SND1: variants seen among roughly 807,000 people sequenced by gnomAD.
SND1 encodes the protein staphylococcal nuclease and tudor domain containing 1.
Under a neutral mutation model 121.7 loss-of-function variants are expected in SND1, and 38 were observed. The ratio of observed to expected loss-of-function variants is 0.31; its 90% CI spans 0.24 to 0.41. SND1 has a LOEUF of 0.41. Ranked by LOEUF, SND1 falls within the 10% of genes least tolerant of loss-of-function variation. The pLI is 1.00. For synonymous variants in SND1, 401 were observed against 447.4 expected, an observed-to-expected ratio of 0.90 and a Z score of 1.31; for missense variants, 868 against 1,184.6, an observed-to-expected ratio of 0.73 and a Z score of 3.92.
Position 128,092,179 on chromosome 7 carries a change from T to G in SND1, c.*121T>G, listed in dbSNP as rs2117075109. On this transcript the variant is annotated 3_prime_UTR_variant, in exon 24 of 24. Transcript: ENST00000354725. This position sits in a 1 kb window ranked among gnomAD's most constrained non-coding sequence, Gnocchi z 4.9. The stretch of plus-strand genomic sequence containing the variant: ...TAGATTGGGTCCAGCTTTGCTTCAG[T>G]GTGTGGAAATGTCTCGTGGGGTGGC... 9.4e-7 allele frequency: 1 copy of G among 1,062,030 alleles called. No individual in the cohort carries two copies. The highest frequency in any genetic ancestry group is 2.4e-5 in the East Asian group (1 of 41,166). 65.8% of individuals were successfully genotyped at this position (1,062,030 alleles called of 1,614,324 possible).
chr7:128,092,363 C>G lies in SND1; in HGVS notation c.*305C>G. On this transcript the variant is annotated 3_prime_UTR_variant, in exon 24 of 24. Coordinates refer to ENST00000354725, the MANE Select transcript of SND1 (RefSeq NM_014390.4). This position sits in a 1 kb window ranked among gnomAD's most constrained non-coding sequence, Gnocchi z 4.9. ...AAGTCCTCAAATCAGGAAGAAACATCAAAGACTATGTCCTAGTGGAGGGAG... is the reference window on the plus strand; with the variant it reads ...AAGTCCTCAAATCAGGAAGAAACATGAAAGACTATGTCCTAGTGGAGGGAG... 2.4e-6 allele frequency: 1 copy of G among 408,724 alleles called. No individual in the cohort carries two copies. Among genetic ancestry groups the G allele is most frequent in the Non-Finnish European group, 4.4e-6 (1 of 226,832 alleles). 25.3% of individuals were successfully genotyped at this position (408,724 alleles called of 1,614,324 possible).
At chr7:127,714,065 C>A (rs960187578) in intron 9 of SND1, among the ~76,000 whole-genome samples, 2 of 151,314 alleles carry the variant, frequency 1.3e-5, no homozygotes, top group African/African-American at 4.9e-5. Flanking sequence ...TTTCACAGAC[C>A]TGAATAACAT....
chr7:127,911,350 T>G (rs11768841), intron 14 of SND1, among the ~76,000 whole-genome samples: 1 of 151,960 alleles, frequency 6.6e-6, no homozygotes, highest in African/African-American at 2.4e-5. Flanking sequence ...TTTCTTTTCT[T>G]TTCTCTTATA....
At chr7:128,076,401 T>C (rs768186855) in intron 17 of SND1, among the ~76,000 whole-genome samples, 1 of 152,164 alleles carries the variant, frequency 6.6e-6, no homozygotes, top group African/African-American at 2.4e-5. Context: ...TGCACAACTC[T>C]CAGTGCTAGG....
chr7:127,703,683 G>A (rs1285529039), intron 7 of SND1, among the ~76,000 whole-genome samples: 1 of 152,186 alleles, frequency 6.6e-6, no homozygotes, highest in Non-Finnish European at 1.5e-5. Context: ...CTGCACTCCA[G>A]TCTGGGCAAC....
At chr7:127,995,860 AG>A (rs1281372412) in intron 16 of SND1, among the ~76,000 whole-genome samples, 1 of 152,224 alleles carries the variant, frequency 6.6e-6, no homozygotes, top group Non-Finnish European at 1.5e-5. Context: ...ACAGTTTCTG[AG>A]GACAGGGGCA....
intron 2 of SND1, 71 bp downstream of exon 2, chr7:127,686,833 C>A: frequency 6.7e-7 from 1 of 1,489,898 alleles, no homozygotes; most frequent in Non-Finnish European, 9.2e-7. Flanking sequence ...GTCGCTGATG[C>A]CATTTTGATG....
chr7:127,730,093 C>T (rs568943195), intron 10 of SND1, among the ~76,000 whole-genome samples: 1 of 152,144 alleles, frequency 6.6e-6, no homozygotes, highest in Non-Finnish European at 1.5e-5. Flanking sequence ...CTCAGCCTCC[C>T]GAGTAGCTGG....
intron 16 of SND1, among the ~76,000 whole-genome samples, chr7:128,065,429 G>A (rs1256204545): frequency 6.6e-6 from 1 of 152,226 alleles, no homozygotes; most frequent in Non-Finnish European, 1.5e-5. Flanking sequence ...GCAGGGGTCT[G>A]TACCATCCCA....
intron 10 of SND1, among the ~76,000 whole-genome samples, chr7:127,779,186 G>A (rs968906458): frequency 6.6e-6 from 1 of 152,134 alleles, no homozygotes; most frequent in African/African-American, 2.4e-5. Context: ...GACGTGAATG[G>A]TAGTGACATA....
intron 16 of SND1, among the ~76,000 whole-genome samples, chr7:128,063,350 G>A (rs191396421): frequency 4.6e-5 from 7 of 152,316 alleles, no homozygotes; most frequent in Middle Eastern, 3.4e-3. Context: ...TGTTCATGGC[G>A]TCTGGGCTGT....
chr7:127,858,894 G>A (rs756898468), intron 12 of SND1, among the ~76,000 whole-genome samples: 4 of 152,300 alleles, frequency 2.6e-5, no homozygotes, highest in Admixed American at 6.5e-5. Flanking sequence ...AATGATGGTC[G>A]TCTAGAATCT....
At chr7:127,686,809 G>A in intron 2 of SND1, 47 bp downstream of exon 2, 1 of 1,581,170 alleles carries the variant, frequency 6.3e-7, no homozygotes, top group South Asian at 1.1e-5. Flanking sequence ...CTAGGTAATA[G>A]CCCACTGTCT....
chr7:127,750,981 G>A (rs1020882942), intron 10 of SND1, among the ~76,000 whole-genome samples: 1 of 152,150 alleles, frequency 6.6e-6, no homozygotes, highest in African/African-American at 2.4e-5. Flanking sequence ...TGCATGTAAT[G>A]ATAACCTGTA....
At chr7:127,753,060 G>A (rs1797130334) in intron 10 of SND1, among the ~76,000 whole-genome samples, 1 of 152,132 alleles carries the variant, frequency 6.6e-6, no homozygotes, top group Admixed American at 6.5e-5. Context: ...GATAAACATG[G>A]TATTGGCCCA....
intron 22 of SND1, among the ~76,000 whole-genome samples, chr7:128,091,004 C>T (rs998898424): frequency 6.6e-6 from 1 of 152,200 alleles, no homozygotes; most frequent in Non-Finnish European, 1.5e-5. Flanking sequence ...TTTATTTATT[C>T]ATTCTATCAG....
chr7:128,017,015 C>T (rs1466563716), intron 16 of SND1, among the ~76,000 whole-genome samples: 1 of 152,180 alleles, frequency 6.6e-6, no homozygotes, highest in Non-Finnish European at 1.5e-5. Context: ...TTAAAGTAAC[C>T]ATCAGATTCA....
intron 15 of SND1, among the ~76,000 whole-genome samples, chr7:127,988,220 T>C (rs1250281902): frequency 1.3e-5 from 2 of 152,172 alleles, no homozygotes; most frequent in Admixed American, 1.3e-4. Context: ...ACTCAGACAT[T>C]CAGATATCAT....
At chr7:127,662,132 T>TCC (rs1795324808) in intron 1 of SND1, among the ~76,000 whole-genome samples, 1 of 151,682 alleles carries the variant, frequency 6.6e-6, no homozygotes, top group Admixed American at 6.6e-5. Context: ...AAAAAATCTC[T>TCC]CTCTCTCTGC....
Sources: allele counts gnomAD v4.1 joint callset (sites outside exome capture counted in the v4.1 genomes callset), GRCh38; gene constraint gnomAD v4.1.1; non-coding constraint Gnocchi (gnomAD v3.1); transcripts MANE v1.5; gene names NCBI Gene and HGNC (gene_info 2026-07-23, HGNC 2026-07-21).